The following DENND1A variants were observed in gnomAD, a reference collection of about 807,000 sequenced individuals.
DENND1A encodes DENN domain containing 1A, also known as DENN domain-containing protein 1A.
A neutral mutation model predicts 113.7 loss-of-function variants in DENND1A; 51 were observed. That is an observed-to-expected ratio of 0.45 (90% CI 0.36 to 0.57). DENND1A has a LOEUF of 0.57. Ranked by LOEUF, DENND1A falls within the 20% of genes least tolerant of loss-of-function variation. The pLI is 0.00. For missense variants in DENND1A, 1,258 were observed against 1,395.9 expected (o/e 0.90, Z 1.57); for synonymous variants, 565 against 570.8 (o/e 0.99, Z 0.14).
chr9:123,431,424 T>C (rs1331733856), intron 19 of DENND1A, among the ~76,000 whole-genome samples: 3 of 152,180 alleles, frequency 2.0e-5, no homozygotes, highest in Non-Finnish European at 1.5e-5. Context: ...ACAGTCTCAC[T>C]TGTGGTCCAC....
intron 18 of DENND1A, among the ~76,000 whole-genome samples, chr9:123,447,518 C>T (rs1056279919): frequency 2.6e-5 from 4 of 152,130 alleles, no homozygotes; most frequent in African/African-American, 7.2e-5. Context: ...CTCCACAGGT[C>T]GGCCCCACAT....
At chr9:123,858,111 G>A (rs989532713) in intron 2 of DENND1A, among the ~76,000 whole-genome samples, 2 of 150,840 alleles carry the variant, frequency 1.3e-5, no homozygotes, top group Admixed American at 6.6e-5. Context: ...TAAACTAAAC[G>A]CAATTTGTGA....
At chr9:123,688,721 C>A (rs1334314158) in intron 5 of DENND1A, among the ~76,000 whole-genome samples, 2 of 152,138 alleles carry the variant, frequency 1.3e-5, no homozygotes, top group East Asian at 3.9e-4. Context: ...TGGGAATCCA[C>A]GACAAGGCAC....
chr9:123,889,491 C>T (rs529862784), intron 1 of DENND1A, among the ~76,000 whole-genome samples: 9 of 151,988 alleles, frequency 5.9e-5, no homozygotes, highest in Admixed American at 3.9e-4. Context: ...TTTCAAATAC[C>T]GTCACTAAAA....
At chr9:123,855,635 A>G (rs1844055314) in intron 2 of DENND1A, among the ~76,000 whole-genome samples, 1 of 152,178 alleles carries the variant, frequency 6.6e-6, no homozygotes, top group African/African-American at 2.4e-5. Flanking sequence ...ATGAAGAGGC[A>G]TTATAAGGTT....
chr9:123,831,539 T>G (rs1840211036), intron 2 of DENND1A, among the ~76,000 whole-genome samples: 1 of 152,198 alleles, frequency 6.6e-6, no homozygotes, highest in Non-Finnish European at 1.5e-5. Flanking sequence ...TACTAGGTAT[T>G]AGAACTTATT....
intron 2 of DENND1A, among the ~76,000 whole-genome samples, chr9:123,823,145 A>G (rs117243434): frequency 0.01 from 1,555 of 152,330 alleles, 81 homozygotes; most frequent in Admixed American, 0.079. Context: ...TACCGTCAAA[A>G]AACTAGAGTG....
At chr9:123,642,098 C>T (rs1462707577) in intron 9 of DENND1A, among the ~76,000 whole-genome samples, 1 of 152,206 alleles carries the variant, frequency 6.6e-6, no homozygotes, top group African/African-American at 2.4e-5. Flanking sequence ...ACAAATGAAC[C>T]TGTTGATACT....
intron 13 of DENND1A, chr9:123,485,656 G>GCGCGCGCGCA (rs765633751): frequency 1.8e-4 from 26 of 141,240 alleles, no homozygotes; most frequent in South Asian, 1.5e-3. Context: ...GCGCGCGCGC[G>GCGCGCGCGCA]CACACACACA....
chr9:123,528,138 T>C (rs958111170), intron 13 of DENND1A, among the ~76,000 whole-genome samples: 1 of 152,148 alleles, frequency 6.6e-6, no homozygotes, highest in Non-Finnish European at 1.5e-5. Flanking sequence ...CCATCTGCAA[T>C]GATGAAAGAA....
At chr9:123,532,178 C>T (rs2055375537) in intron 13 of DENND1A, among the ~76,000 whole-genome samples, 1 of 152,176 alleles carries the variant, frequency 6.6e-6, no homozygotes, top group Non-Finnish European at 1.5e-5. Flanking sequence ...GGCATTGGAA[C>T]ATTGTGTTGT....
At chr9:123,778,231 G>A (rs543277572) in intron 3 of DENND1A, among the ~76,000 whole-genome samples, 1 of 152,234 alleles carries the variant, frequency 6.6e-6, no homozygotes, top group Admixed American at 6.5e-5. Context: ...TGCATATCTT[G>A]CTGCAACAGA....
At chr9:123,890,223 C>A (rs1849700393) in intron 1 of DENND1A, among the ~76,000 whole-genome samples, 1 of 152,158 alleles carries the variant, frequency 6.6e-6, no homozygotes, top group Admixed American at 6.5e-5. Flanking sequence ...AAACCCATGC[C>A]TTTTCCACCA....
chr9:123,776,227 A>G (rs542169463), intron 3 of DENND1A, among the ~76,000 whole-genome samples: 2 of 152,298 alleles, frequency 1.3e-5, no homozygotes, highest in East Asian at 3.9e-4. Context: ...TATTTTCTCA[A>G]GGTATGATTG....
At chr9:123,575,357 C>G (rs900922217) in intron 12 of DENND1A, among the ~76,000 whole-genome samples, 4 of 152,196 alleles carry the variant, frequency 2.6e-5, no homozygotes, top group Non-Finnish European at 5.9e-5. Context: ...ACTCGCTGCT[C>G]ACCTCCTACT....
intron 13 of DENND1A, among the ~76,000 whole-genome samples, chr9:123,500,138 GT>G (rs2052342554): frequency 6.6e-6 from 1 of 152,130 alleles, no homozygotes; most frequent in African/African-American, 2.4e-5. Context: ...TAAAATAAAA[GT>G]TAAGAAAAGT....
At chr9:123,453,291 G>C (rs2047872968) in intron 16 of DENND1A, among the ~76,000 whole-genome samples, 1 of 152,210 alleles carries the variant, frequency 6.6e-6, no homozygotes, top group Non-Finnish European at 1.5e-5. Flanking sequence ...TGGAAGATCA[G>C]GGAAGGCCTT....
chr9:123,886,574 TACACTTCAGA>T (rs968626346), intron 1 of DENND1A, among the ~76,000 whole-genome samples: 4 of 152,186 alleles, frequency 2.6e-5, no homozygotes, highest in Non-Finnish European at 4.4e-5. Flanking sequence ...AGAAACTGTA[TACACTTCAGA>T]ACGCACTAGC....
chr9:123,645,951 C>T (rs1001214406), intron 9 of DENND1A, among the ~76,000 whole-genome samples: 5 of 152,208 alleles, frequency 3.3e-5, no homozygotes, highest in African/African-American at 4.8e-5. Flanking sequence ...AGGCCAGTCA[C>T]CCCGCTTATC....
Sources: gnomAD v4.1 joint callset for allele counts (sites outside exome capture counted in the v4.1 genomes callset) on GRCh38, gnomAD v4.1.1 for gene constraint, MANE v1.5 for transcripts, NCBI Gene and HGNC (gene_info 2026-07-23, HGNC 2026-07-21) for gene names.